LSAMP: variants seen among roughly 807,000 people sequenced by gnomAD.
LSAMP encodes the protein limbic system-associated membrane protein.
LSAMP carries 7 observed loss-of-function variants against 38.6 expected under a neutral mutation model. The ratio of observed to expected loss-of-function variants is 0.18; its 90% CI spans 0.10 to 0.34. The LOEUF (loss-of-function observed/expected upper bound fraction) is 0.34, where lower values mean the gene tolerates loss of function less well. LSAMP is among the 10% of genes least tolerant of loss of function. LSAMP has a pLI of 1.00. For missense variants in LSAMP, 313 were observed against 420.0 expected (o/e 0.75, Z 2.23); for synonymous variants, 154 against 166.8 (o/e 0.92, Z 0.59).
At chr3:115,935,352 C>G (rs1489625133) in intron 3 of LSAMP, among the ~76,000 whole-genome samples, 1 of 151,998 alleles carries the variant, frequency 6.6e-6, no homozygotes, top group Admixed American at 6.6e-5. Flanking sequence ...AGAGGTGTGG[C>G]CGGGTGGGGG....
intron 3 of LSAMP, among the ~76,000 whole-genome samples, chr3:115,884,980 A>G (rs1576183784): frequency 6.6e-6 from 1 of 152,162 alleles, no homozygotes; most frequent in East Asian, 1.9e-4. Context: ...TATGTACAAA[A>G]TACTAAAAAA....
chr3:116,327,787 TAAAAG>T (rs2047793656), intron 1 of LSAMP, among the ~76,000 whole-genome samples: 2 of 152,074 alleles, frequency 1.3e-5, no homozygotes, highest in Non-Finnish European at 2.9e-5. Flanking sequence ...TGAGGTAAAA[TAAAAG>T]AAAACAAAAT....
At chr3:116,312,602 A>G (rs545745878) in intron 1 of LSAMP, among the ~76,000 whole-genome samples, 32 of 152,044 alleles carry the variant, frequency 2.1e-4, no homozygotes, top group Admixed American at 1.8e-3. Context: ...CAATTCTCAC[A>G]GGCATTTGTT....
chr3:115,844,931 C>A (rs1027390090), intron 4 of LSAMP, among the ~76,000 whole-genome samples: 1 of 152,070 alleles, frequency 6.6e-6, no homozygotes, highest in Non-Finnish European at 1.5e-5. Flanking sequence ...GAGCCGAGAT[C>A]GAGCCACTGC....
intron 3 of LSAMP, among the ~76,000 whole-genome samples, chr3:115,933,354 A>G (rs1176767703): frequency 6.6e-6 from 1 of 152,192 alleles, no homozygotes. Context: ...AATAGTGACA[A>G]TGCAAAGGAT....
intron 1 of LSAMP, among the ~76,000 whole-genome samples, chr3:116,367,468 T>C (rs936616945): frequency 1.3e-5 from 2 of 151,786 alleles, no homozygotes; most frequent in Non-Finnish European, 2.9e-5. Flanking sequence ...AGAATGTTGC[T>C]TTCTCTTCTT....
At chr3:116,015,744 A>G (rs996890866) in intron 3 of LSAMP, among the ~76,000 whole-genome samples, 1 of 147,528 alleles carries the variant, frequency 6.8e-6, no homozygotes, top group Admixed American at 6.8e-5. Context: ...AAAGAAAGAA[A>G]CAAACTGGCC....
chr3:116,227,933 A>G (rs559767635), intron 1 of LSAMP, among the ~76,000 whole-genome samples: 3 of 152,246 alleles, frequency 2.0e-5, no homozygotes, highest in African/African-American at 4.8e-5. Context: ...ATTAATATTA[A>G]CCATATACAG....
At chr3:116,064,790 C>T (rs1177103844) in intron 2 of LSAMP, among the ~76,000 whole-genome samples, 1 of 152,018 alleles carries the variant, frequency 6.6e-6, no homozygotes, top group East Asian at 1.9e-4. Flanking sequence ...AAAGGAAACT[C>T]CAGCACAAAA....
chr3:116,044,781 G>A (rs1434141072), intron 2 of LSAMP, among the ~76,000 whole-genome samples: 1 of 152,128 alleles, frequency 6.6e-6, no homozygotes, highest in African/African-American at 2.4e-5. Flanking sequence ...AGGGTAATGT[G>A]AACAAAACCT....
intron 1 of LSAMP, among the ~76,000 whole-genome samples, chr3:116,156,447 AGGTGAACAGCATGACAT>A (rs1709749278): frequency 3.3e-5 from 5 of 152,298 alleles, no homozygotes; most frequent in Admixed American, 1.3e-4. Context: ...ATTTGGGATT[AGGTGAACAGCATGACAT>A]GGTGAACAGC....
chr3:116,053,459 G>A (rs1941433576), intron 2 of LSAMP, among the ~76,000 whole-genome samples: 1 of 152,168 alleles, frequency 6.6e-6, no homozygotes, highest in Non-Finnish European at 1.5e-5. Context: ...AGAGTTTTGA[G>A]GAAGGAAAGG....
chr3:116,228,690 T>C (rs2046368737), intron 1 of LSAMP, among the ~76,000 whole-genome samples: 1 of 152,098 alleles, frequency 6.6e-6, no homozygotes, highest in Admixed American at 6.5e-5. Flanking sequence ...AAAAACAATT[T>C]AGCAAAATAA....
At chr3:116,060,342 C>T (rs1056398819) in intron 2 of LSAMP, among the ~76,000 whole-genome samples, 1 of 152,026 alleles carries the variant, frequency 6.6e-6, no homozygotes, top group Non-Finnish European at 1.5e-5. Flanking sequence ...ACCAACTATT[C>T]GGTGAAATTT....
chr3:116,105,378 A>G (rs772799532), intron 1 of LSAMP, among the ~76,000 whole-genome samples: 28 of 152,234 alleles, frequency 1.8e-4, no homozygotes, highest in African/African-American at 4.1e-4. Context: ...TCCGTGTGAA[A>G]AGACCACCAA....
intron 1 of LSAMP, among the ~76,000 whole-genome samples, chr3:116,293,925 A>G (rs1364245647): frequency 1.3e-5 from 2 of 152,176 alleles, no homozygotes; most frequent in African/African-American, 4.8e-5. Context: ...GATACACTAT[A>G]CATATATACT....
intron 3 of LSAMP, among the ~76,000 whole-genome samples, chr3:115,939,530 C>CTCTTTCTCTTTCTTTCTTTCTT (rs1553751053): frequency 4.0e-5 from 4 of 99,720 alleles, no homozygotes; most frequent in Admixed American, 1.2e-4. Flanking sequence ...TGTTCTCTTT[C>CTCTTTCTCTTTCTTTCTTTCTT]TCTTTCTTTC....
intron 1 of LSAMP, among the ~76,000 whole-genome samples, chr3:116,330,625 A>C (rs372804372): frequency 6.6e-6 from 1 of 152,052 alleles, no homozygotes; most frequent in African/African-American, 2.4e-5. Context: ...CACATTCAAA[A>C]ATAATTGTAT....
chr3:116,128,514 A>G (rs1022135057), intron 1 of LSAMP, among the ~76,000 whole-genome samples: 4 of 152,208 alleles, frequency 2.6e-5, no homozygotes, highest in African/African-American at 9.6e-5. Context: ...TTCACCCTCA[A>G]AACAAATTGT....
Sources: gnomAD v4.1 joint callset for allele counts (sites outside exome capture counted in the v4.1 genomes callset) on GRCh38, gnomAD v4.1.1 for gene constraint, MANE v1.5 for transcripts, NCBI Gene and HGNC (gene_info 2026-07-23, HGNC 2026-07-21) for gene names.